The following QTRT1 variants were observed in gnomAD, a reference collection of about 807,000 sequenced individuals.
QTRT1 encodes queuine tRNA-ribosyltransferase catalytic subunit 1, also known as TGT, 43-KD subunit.
A neutral mutation model predicts 44.0 loss-of-function variants in QTRT1; 41 were observed. The observed-to-expected ratio is 0.93, with a 90% CI of 0.73 to 1.21. The LOEUF is 1.21. QTRT1 is among the 50% of genes most tolerant of loss of function. The probability of loss-of-function intolerance (pLI) is 0.00; values close to 1 mark genes in which losing one functional copy is unlikely to be tolerated. For missense variants in QTRT1, 542 were observed against 575.8 expected, an observed-to-expected ratio of 0.94 and a Z score of 0.60; for synonymous variants, 226 against 237.1, an observed-to-expected ratio of 0.95 and a Z score of 0.43.
rs889841826 is a variant in QTRT1, at chr19:10,712,257, C to T, written c.743C>T (p.Ser248Phe). ...TGGCGGATGGTGGCGCTGAGCACCTCTCGGCTGCCGAAGGACAAGCCCCGA... is the reference window on the plus strand; with the variant it reads ...TGGCGGATGGTGGCGCTGAGCACCTTTCGGCTGCCGAAGGACAAGCCCCGA... The part of the protein sequence containing the change: ...QFWRMVALST[S>F]RLPKDKPRYL... Residue 248 changes from serine to phenylalanine, a missense_variant, in exon 6 of 10, where the codon TCT becomes TTT. Coordinates refer to ENST00000250237, the MANE Select transcript of QTRT1 (RefSeq NM_031209.3). This position sits in a 1 kb window ranked among gnomAD's most constrained non-coding sequence, Gnocchi z 5.6. 11 of 1,613,910 alleles carry T rather than the reference C, an allele frequency of 6.8e-6. No homozygotes were observed. The highest frequency in any genetic ancestry group is 5.3e-5 in the African/African-American group (4 of 74,950).
At chr19:10,704,530 G>A (rs991987278) in intron 3 of QTRT1, among the ~76,000 whole-genome samples, 5 of 151,724 alleles carry the variant, frequency 3.3e-5, no homozygotes, top group South Asian at 4.2e-4. Context: ...TCCTGACCTC[G>A]TGATTCGCCC....
rs1298145533 is a variant in QTRT1 at position 10,701,502 on chromosome 19, A to C, written c.42A>C (p.Pro14=). 6.3e-7 allele frequency: 1 copy of C among 1,587,138 alleles called. No individual in the cohort carries two copies. Among genetic ancestry groups the C allele is most frequent in the African/African-American group, 1.3e-5 (1 of 74,488 alleles). The change falls in exon 1 of 10, where the codon CCA becomes CCC. Residue 14 remains proline, a synonymous_variant. Transcript: ENST00000250237. ...AATQASLESA[P]RIMRLVAECS... is the part of the protein sequence containing the mutation. ...CCCAGGCTTCCCTGGAGTCGGCCCC[A>C]CGGATCATGCGGCTGGTGGCCGAAT...
At chr19:10,704,097 T>C (rs2068701919) in intron 3 of QTRT1, among the ~76,000 whole-genome samples, 1 of 152,186 alleles carries the variant, frequency 6.6e-6, no homozygotes, top group Non-Finnish European at 1.5e-5. Context: ...TCTGCCCGCC[T>C]TGGCCTCCCA....
chr19:10,705,025 C>T (rs2068706882), intron 3 of QTRT1, among the ~76,000 whole-genome samples: 2 of 150,848 alleles, frequency 1.3e-5, no homozygotes, highest in Non-Finnish European at 2.9e-5. Flanking sequence ...AAGCTATTCT[C>T]CTGCCTCAGC....
At chr19:10,706,152 C>T (rs2068712766) in intron 3 of QTRT1, among the ~76,000 whole-genome samples, 2 of 151,996 alleles carry the variant, frequency 1.3e-5, no homozygotes, top group South Asian at 4.2e-4. Flanking sequence ...CTGCGCCCGG[C>T]TGTGGCCTGT....
chr19:10,706,415 T>C (rs2068713749), intron 3 of QTRT1, among the ~76,000 whole-genome samples: 1 of 152,130 alleles, frequency 6.6e-6, no homozygotes, highest in South Asian at 2.1e-4. Flanking sequence ...CTCTGTCGCC[T>C]TGGCTGGAGT....
intron 3 of QTRT1, chr19:10,706,686 CTT>C (rs55863409): frequency 4.4e-3 from 574 of 131,246 alleles, no homozygotes; most frequent in Admixed American, 4.5e-3. Context: ...TTTTTTTAAC[CTT>C]TTTTTTTTTT....
Position 10,707,587 on chromosome 19 carries a change from C to T in QTRT1, c.618C>T (p.Asp206=), listed in dbSNP as rs760533220. Residue 206 remains aspartate, a synonymous_variant, in exon 5 of 10, where the codon GAC becomes GAT. Transcript: ENST00000250237. The stretch of plus-strand genomic sequence containing the variant: ...TCGCCATTATCCAGGGTGGGCTGGA[C>T]GCAGATCTCCGGGCCACCTGCCTTG... ...NLFAIIQGGL[D]ADLRATCLEE... 48 of 1,608,712 alleles carry T rather than the reference C, an allele frequency of 3.0e-5. No homozygotes were observed. The Admixed American group carries it at 5.7e-4, about 19-fold the overall frequency.
intron 3 of QTRT1, among the ~76,000 whole-genome samples, chr19:10,704,497 T>C (rs1162541672): frequency 6.6e-6 from 1 of 151,946 alleles, no homozygotes; most frequent in East Asian, 1.9e-4. Context: ...GGTTTCATCG[T>C]GTTAGCCAGG....
In QTRT1 at chr19:10,702,270, G is replaced by A; in HGVS notation, c.451+16G>A. On this transcript the variant is annotated intron_variant, in intron 3 of 9. Coordinates refer to ENST00000250237, the MANE Select transcript of QTRT1 (RefSeq NM_031209.3). ...AATGCGCTGGGTGAGAGGACCCTGG[G>A]GAGCCGCCTCCTTACCCTGTCTGTC... is the stretch of plus-strand genomic sequence containing the variant. 2 of 1,612,346 alleles carry A rather than the reference G, an allele frequency of 1.2e-6. No individual in the cohort carries two copies. The highest frequency in any genetic ancestry group is 1.1e-5 in the South Asian group (1 of 91,016).
At chr19:10,704,463 T>G (rs2068703556) in intron 3 of QTRT1, among the ~76,000 whole-genome samples, 1 of 151,246 alleles carries the variant, frequency 6.6e-6, no homozygotes, top group Non-Finnish European at 1.5e-5. Context: ...CCAGCTAATT[T>G]TTTTGTACTT....
At position 10,707,392 on chromosome 19, in the gene QTRT1, C is replaced by CTG; in HGVS notation, c.530+17_530+18dup. The CTG allele has an allele frequency of 1.2e-6, 2 of 1,612,516 alleles. No homozygotes were observed. Among genetic ancestry groups the CTG allele is most frequent in the Non-Finnish European group, 1.7e-6 (2 of 1,178,616 alleles). The stretch of plus-strand genomic sequence containing the variant: ...GAGGCCATGTACAGGTGTGTATATG[C>CTG]TGTGTGCATGTGTGGGATATGTGGT... On this transcript the variant is annotated intron_variant, in intron 4 of 9. Coordinates refer to ENST00000250237, the MANE Select transcript of QTRT1 (RefSeq NM_031209.3).
chr19:10,710,371 C>G (rs1242410513), intron 5 of QTRT1, among the ~76,000 whole-genome samples: 1 of 151,882 alleles, frequency 6.6e-6, no homozygotes, highest in Non-Finnish European at 1.5e-5. Flanking sequence ...GGCTGGAGTG[C>G]AGTGGCACCA....
chr19:10,701,733 G>A, intron 1 of QTRT1, 30 bp downstream of exon 1: 1 of 1,553,740 alleles, frequency 6.4e-7, no homozygotes, highest in Non-Finnish European at 8.7e-7. Context: ...GCGGGGAGGC[G>A]GCGAGGCGGC....
chr19:10,707,705 G>A (rs928572031), intron 5 of QTRT1, 90 bp downstream of exon 5: 7 of 914,646 alleles, frequency 7.7e-6, no homozygotes, highest in African/African-American at 6.6e-5. Flanking sequence ...TTGCTAATGT[G>A]TAGAAGGGCA....
chr19:10,703,076 T>G, intron 3 of QTRT1, among the ~76,000 whole-genome samples: 1 of 136,192 alleles, frequency 7.3e-6, no homozygotes, highest in Admixed American at 7.3e-5. Context: ...GCTTTTTTTT[T>G]TTTTTTTTTT....
At chr19:10,706,061 C>T (rs1400604652) in intron 3 of QTRT1, among the ~76,000 whole-genome samples, 1 of 151,130 alleles carries the variant, frequency 6.6e-6, no homozygotes, top group Non-Finnish European at 1.5e-5. Context: ...TCACTGTGTT[C>T]GCCAGGATGG....
chr19:10,702,291 C>A, intron 3 of QTRT1, 37 bp downstream of exon 3: 1 of 1,603,038 alleles, frequency 6.2e-7, no homozygotes, highest in South Asian at 1.1e-5. Flanking sequence ...CTTACCCTGT[C>A]TGTCAGGGGG....
intron 3 of QTRT1, among the ~76,000 whole-genome samples, chr19:10,702,759 C>CTTTTTT (rs34948949): frequency 1.5e-5 from 1 of 68,482 alleles, no homozygotes; most frequent in African/African-American, 5.5e-5. Flanking sequence ...CAATATCCTT[C>CTTTTTT]TTTTTTTTTT....
Sources: allele counts gnomAD v4.1 joint callset (sites outside exome capture counted in the v4.1 genomes callset), GRCh38; gene constraint gnomAD v4.1.1; non-coding constraint Gnocchi (gnomAD v3.1); transcripts MANE v1.5; gene names NCBI Gene and HGNC (gene_info 2026-07-23, HGNC 2026-07-21).